CHL1: variants seen among roughly 807,000 people sequenced by gnomAD.
CHL1 encodes cell adhesion molecule L1 like.
A neutral mutation model predicts 141.9 loss-of-function variants in CHL1; 96 were observed. The ratio of observed to expected loss-of-function variants is 0.68; its 90% CI spans 0.57 to 0.80. The LOEUF is 0.80. Among genes scored for constraint, CHL1 ranks in the 30% least tolerant of loss-of-function variants. The probability of loss-of-function intolerance (pLI) is 0.00; values close to 1 mark genes in which losing one functional copy is unlikely to be tolerated. For synonymous variants in CHL1, 613 were observed against 502.2 expected (o/e 1.22, Z -2.95); for missense variants, 1,820 against 1,457.2 (o/e 1.25, Z -4.05).
At chr3:374,377 C>T (rs942855911) in intron 15 of CHL1, among the ~76,000 whole-genome samples, 1 of 152,088 alleles carries the variant, frequency 6.6e-6, no homozygotes, top group Non-Finnish European at 1.5e-5. Flanking sequence ...CTCAGATATG[C>T]CTAAATTCTG....
chr3:221,460 G>C (rs991889588), intron 1 of CHL1, among the ~76,000 whole-genome samples: 1 of 152,174 alleles, frequency 6.6e-6, no homozygotes, highest in Non-Finnish European at 1.5e-5. Flanking sequence ...GAGTGTTTAT[G>C]TGTAGCAGAC....
chr3:399,107 C>G lies in CHL1; in HGVS notation c.3344C>G (p.Thr1115Ser). ...AIALLTLLLL[T>S]VCFVKRNRGG... The stretch of plus-strand genomic sequence containing the variant: ...GCTCTTCTCACACTACTATTATTAA[C>G]TGTTTGCTTTGTGAAGAGGAATAGA... The change falls in exon 26 of 28, where the codon ACT becomes AGT. Residue 1115 changes from threonine (T) to serine (S), a missense_variant. By Grantham distance (58) the Thr-to-Ser change is moderately conservative. Transcript: ENST00000256509. 1 of 1,609,354 alleles carries G rather than the reference C, an allele frequency of 6.2e-7. No homozygotes were observed. Among genetic ancestry groups the G allele is most frequent in the Non-Finnish European group, 8.5e-7 (1 of 1,175,688 alleles).
At chr3:391,198 G>T in intron 22 of CHL1, 39 bp downstream of exon 22, 1 of 1,447,194 alleles carries the variant, frequency 6.9e-7, no homozygotes. Flanking sequence ...CAAAAATGGA[G>T]GTGATCCATG....
At chr3:339,370 A>G (rs1371746493) in intron 5 of CHL1, among the ~76,000 whole-genome samples, 1 of 152,230 alleles carries the variant, frequency 6.6e-6, no homozygotes, top group Non-Finnish European at 1.5e-5. Flanking sequence ...TGAATATACT[A>G]AACATACTTT....
At chr3:307,410 A>T (rs1206241249) in intron 2 of CHL1, among the ~76,000 whole-genome samples, 2 of 152,212 alleles carry the variant, frequency 1.3e-5, no homozygotes, top group Non-Finnish European at 2.9e-5. Context: ...AGGCATTGTG[A>T]CAGAAATCTG....
intron 2 of CHL1, among the ~76,000 whole-genome samples, chr3:315,256 A>G (rs1433050292): frequency 6.6e-6 from 1 of 152,146 alleles, no homozygotes; most frequent in East Asian, 1.9e-4. Context: ...TGTACAGCTG[A>G]GTGAGCAGGC....
In CHL1 at chr3:405,532, T is replaced by C; in HGVS notation, c.3496T>C (p.Ser1166Pro). The change falls in exon 28 of 28, where the codon TCC (serine) becomes CCC (proline). Residue 1166 changes from serine (S) to proline (P), a missense_variant. Coordinates refer to ENST00000256509, the MANE Select transcript of CHL1 (RefSeq NM_006614.4). ...AAAGCCTCTCAAAGGAAGCCTTCGG[T>C]CCCTTAATAGGGATATGCAGCCTAC... ...DEKPLKGSLRSLNRDMQPTES... is the reference protein window; with the variant it reads ...DEKPLKGSLRPLNRDMQPTES... 6.2e-7 allele frequency: 1 copy of C among 1,613,320 alleles called. No homozygotes were observed. The highest frequency in any genetic ancestry group is 8.5e-7 in the Non-Finnish European group (1 of 1,179,428).
At chr3:325,931 GT>G in intron 3 of CHL1, 27 bp from the exon 4 acceptor site, 1 of 1,504,696 alleles carries the variant, frequency 6.6e-7, no homozygotes, top group Admixed American at 1.7e-5. Flanking sequence ...TGAATAGTGT[GT>G]TTTTAAGTAC....
intron 5 of CHL1, among the ~76,000 whole-genome samples, chr3:333,586 A>G (rs939048094): frequency 2.6e-5 from 4 of 152,220 alleles, no homozygotes; most frequent in Non-Finnish European, 4.4e-5. Flanking sequence ...TAAATGTATT[A>G]TCCAAGACAT....
chr3:365,931 C>A lies in CHL1; in HGVS notation c.1586-19C>A. Reference sequence around the variant, plus strand: ...AGTTACGCTTAGTTCTAACTAATATCTTTGTTTGGTAAAAACAGATGCTAC... The same window carrying A: ...AGTTACGCTTAGTTCTAACTAATATATTTGTTTGGTAAAAACAGATGCTAC... On this transcript the variant is annotated intron_variant, in intron 14 of 27. Coordinates refer to ENST00000256509, the MANE Select transcript of CHL1 (RefSeq NM_006614.4). The A allele has an allele frequency of 8.1e-6, 13 of 1,604,248 alleles. No individual in the cohort carries two copies. Among genetic ancestry groups the A allele is most frequent in the South Asian group, 1.1e-5 (1 of 90,306 alleles).
At position 377,849 on chromosome 3, in the gene CHL1, T is replaced by C; in HGVS notation, c.1783T>C (p.Ser595Pro). 1.9e-6 allele frequency: 3 copies of C among 1,610,156 alleles called. No homozygotes were observed. Among genetic ancestry groups the C allele is most frequent in the East Asian group, 2.2e-5 (1 of 44,826 alleles). ...IIIDGANLTI[S>P]NVTLEDQGIY... ...TATTGATGGAGCTAATTTGACCATA[T>C]CTAATGTAACTTTAGAGGACCAAGG... Residue 595 changes from serine to proline, a missense_variant, in exon 16 of 28, where the codon TCT becomes CCT. Physicochemically the swap from Ser to Pro is moderately conservative, Grantham distance 74. Transcript: ENST00000256509.
At chr3:265,359 A>G (rs1423550827) in intron 2 of CHL1, among the ~76,000 whole-genome samples, 1 of 152,234 alleles carries the variant, frequency 6.6e-6, no homozygotes, top group Non-Finnish European at 1.5e-5. Context: ...CTAAATGTTC[A>G]ATTTGCTATA....
At chr3:282,616 G>T (rs1696771455) in intron 2 of CHL1, 2 of 152,118 alleles carry the variant, frequency 1.3e-5, no homozygotes, top group Non-Finnish European at 1.5e-5. Flanking sequence ...GCTGTGTATA[G>T]AATTCTTGGT....
At chr3:385,750 C>T (rs1178661795) in intron 19 of CHL1, 1 of 150,394 alleles carries the variant, frequency 6.6e-6, no homozygotes, top group Non-Finnish European at 1.5e-5. Context: ...ATATCTTGAA[C>T]CCGGGAGGTG....
chr3:306,692 A>C (rs1699255510), intron 2 of CHL1, among the ~76,000 whole-genome samples: 1 of 151,772 alleles, frequency 6.6e-6, no homozygotes, highest in South Asian at 2.1e-4. Flanking sequence ...ATGTGATGAC[A>C]AAAAAAATAA....
chr3:216,236 A>G (rs1418652057), intron 1 of CHL1, among the ~76,000 whole-genome samples: 1 of 152,188 alleles, frequency 6.6e-6, no homozygotes, highest in Non-Finnish European at 1.5e-5. Context: ...TCTTACTGGT[A>G]TTTGCAGTTT....
At chr3:373,854 C>G (rs919966251) in intron 15 of CHL1, 2 of 152,484 alleles carry the variant, frequency 1.3e-5, no homozygotes, top group Middle Eastern at 3.4e-3. Context: ...TCCCCTGCCC[C>G]GTGCGGCTCT....
At chr3:346,740 G>C (rs557133157) in intron 9 of CHL1, among the ~76,000 whole-genome samples, 1 of 152,078 alleles carries the variant, frequency 6.6e-6, no homozygotes, top group African/African-American at 2.4e-5. Context: ...GATCTGGGTC[G>C]TCTCTCAGAA....
At chr3:345,241 C>A (rs1702663837) in intron 9 of CHL1, among the ~76,000 whole-genome samples, 1 of 151,918 alleles carries the variant, frequency 6.6e-6, no homozygotes, top group Non-Finnish European at 1.5e-5. Context: ...AGTTTTCTCT[C>A]TATGCTATAC....
Sources: gnomAD v4.1 joint callset for allele counts (sites outside exome capture counted in the v4.1 genomes callset) on GRCh38, gnomAD v4.1.1 for gene constraint, MANE v1.5 for transcripts, NCBI Gene and HGNC (gene_info 2026-07-23, HGNC 2026-07-21) for gene names.